SRRM2: variants seen among roughly 807,000 people sequenced by gnomAD.
The protein encoded by SRRM2 is serine/arginine repetitive matrix 2.
In SRRM2, 30 loss-of-function variants were observed where a neutral mutation model predicts 213.8. That is an observed-to-expected ratio of 0.14 (90% CI 0.10 to 0.19). The LOEUF is 0.19. Among genes scored for constraint, SRRM2 ranks in the 10% least tolerant of loss-of-function variants. The pLI, the probability that SRRM2 is intolerant of heterozygous loss-of-function variation, is 1.00. For synonymous variants in SRRM2, 2,025 were observed against 1,377.7 expected (o/e 1.47, Z -10.40); for missense variants, 4,904 against 3,647.0 (o/e 1.34, Z -8.88).
In SRRM2 at chr16:2,767,483, A is replaced by G. The variant is rs1018025430; in HGVS notation, c.6955A>G (p.Thr2319Ala). ...TCTCACAGGCTCTGGCACACCACCA[A>G]CTGCTGCAAACTATCCCTCCAGCTC... Reference protein sequence around the residue: ...LSLTGSGTPPTAANYPSSSRT... With the variant: ...LSLTGSGTPPAAANYPSSSRT... Residue 2319 changes from threonine to alanine, a missense_variant, in exon 11 of 15, where the codon ACT becomes GCT. Thr to Ala is a moderately conservative substitution (Grantham distance 58, BLOSUM62 0). Transcript: ENST00000301740. 3.0e-5 allele frequency: 48 copies of G among 1,613,976 alleles called. No individual in the cohort carries two copies. Among genetic ancestry groups the G allele is most frequent in the Admixed American group, 2.7e-4 (16 of 60,010 alleles).
At position 2,764,528 on chromosome 16, in the gene SRRM2, A is replaced by G. The variant is rs2068472966; in HGVS notation, c.4000A>G (p.Arg1334Gly). 1 of 1,614,216 alleles carries G rather than the reference A, an allele frequency of 6.2e-7. No homozygotes were observed. Among genetic ancestry groups the G allele is most frequent in the Non-Finnish European group, 8.5e-7 (1 of 1,180,030 alleles). The change falls in exon 11 of 15, where the codon AGA becomes GGA. Residue 1334 changes from arginine (R) to glycine (G), a missense_variant. Arg to Gly is a moderately radical substitution (Grantham distance 125). Coordinates refer to ENST00000301740, the MANE Select transcript of SRRM2 (RefSeq NM_016333.4). Reference protein sequence around the residue: ...ENSFGSPLEFRNSGPLGTEMN... With the variant: ...ENSFGSPLEFGNSGPLGTEMN... ...CAGCTTTGGATCACCTTTAGAATTTAGAAACTCAGGCCCACTTGGTACAGA... is the reference window on the plus strand; with the variant it reads ...CAGCTTTGGATCACCTTTAGAATTTGGAAACTCAGGCCCACTTGGTACAGA...
chr16:2,769,738 C>T, intron 12 of SRRM2: 2 of 470,206 alleles, frequency 4.3e-6, no homozygotes, highest in Non-Finnish European at 4.2e-6. Flanking sequence ...TCCTTCGGGA[C>T]GCCCTGTGGC....
chr16:2,758,785 T>C, intron 5 of SRRM2, 200 bp from the exon 6 acceptor site: 1 of 713,316 alleles, frequency 1.4e-6, no homozygotes, highest in Non-Finnish European at 2.3e-6. Flanking sequence ...GAATTTTCTT[T>C]TTCATTTTGA....
intron 11 of SRRM2, 42 bp downstream of exon 11, chr16:2,768,303 ATTGGGGATGGG>A: frequency 9.3e-7 from 1 of 1,077,606 alleles, no homozygotes; most frequent in African/African-American, 1.7e-5. Context: ...TGGGGGAGGT[ATTGGGGATGGG>A]TTGGGGAGTG....
Position 2,765,512 on chromosome 16 carries a change from C to T in SRRM2, c.4984C>T (p.Pro1662Ser). ...SSSTESSPEH[P>S]PKSRTARRGS... is the part of the protein sequence containing the mutation. ...CAGTACCGAGTCCTCTCCTGAACAT[C>T]CGCCCAAATCCAGAACTGCTCGCAG... is the stretch of plus-strand genomic sequence containing the variant. The change falls in exon 11 of 15, where the codon CCG becomes TCG. Residue 1662 changes from proline to serine, a missense_variant. Pro to Ser is a moderately conservative substitution (Grantham distance 74). Transcript: ENST00000301740. 1 of 1,614,190 alleles carries T rather than the reference C, an allele frequency of 6.2e-7. No homozygotes were observed. Among genetic ancestry groups the T allele is most frequent in the Non-Finnish European group, 8.5e-7 (1 of 1,180,038 alleles).
At chr16:2,757,076 A>G (rs2068168835) in intron 2 of SRRM2, among the ~76,000 whole-genome samples, 1 of 152,096 alleles carries the variant, frequency 6.6e-6, no homozygotes, top group Non-Finnish European at 1.5e-5. Flanking sequence ...ATTTTGGAAA[A>G]GGAGCCCATT....
rs1237979524 is a variant in SRRM2 at position 2,763,385 on chromosome 16, G to A, written c.2857G>A (p.Val953Ile). The A allele has an allele frequency of 6.2e-7, 1 of 1,614,208 alleles. No individual in the cohort carries two copies. The highest frequency in any genetic ancestry group is 8.5e-7 in the Non-Finnish European group (1 of 1,180,034). Residue 953 changes from valine (V) to isoleucine (I), a missense_variant, in exon 11 of 15, where the codon GTA becomes ATA. By Grantham distance (29) the Val-to-Ile change is conservative. Coordinates refer to ENST00000301740, the MANE Select transcript of SRRM2 (RefSeq NM_016333.4). ...SRTTPRRSRSVSPCSNVESRL... is the reference protein window; with the variant it reads ...SRTTPRRSRSISPCSNVESRL... ...AACAACTCCACGGCGAAGCAGATCAGTATCTCCCTGCTCCAATGTGGAATC... is the reference window on the plus strand; with the variant it reads ...AACAACTCCACGGCGAAGCAGATCAATATCTCCCTGCTCCAATGTGGAATC...
chr16:2,770,672 G>A lies in SRRM2; in HGVS notation c.8204G>A (p.Arg2735Lys). The change falls in exon 14 of 15, where the codon AGG becomes AAG. Residue 2735 changes from arginine (R) to lysine (K), a missense_variant. Transcript: ENST00000301740. The part of the protein sequence containing the change: ...GDSRSPSHKR[R>K]RETPSPRPMR... ...AGCCGCTCCCCCAGCCACAAGCGCA[G>A]GAGGGAGACACCTAGCCCTCGGCCC... is the stretch of plus-strand genomic sequence containing the variant. The A allele has an allele frequency of 6.4e-7, 1 of 1,555,616 alleles. No homozygotes were observed. The highest frequency in any genetic ancestry group is 8.7e-7 in the Non-Finnish European group (1 of 1,148,866).
intron 4 of SRRM2, 28 bp downstream of exon 4, chr16:2,757,973 GCTT>G (rs772234444): frequency 1.3e-6 from 2 of 1,589,690 alleles, no homozygotes. Flanking sequence ...ACCACTGTCA[GCTT>G]CTTTTCTTGA....
chr16:2,753,961 T>C (rs776359170), intron 1 of SRRM2, among the ~76,000 whole-genome samples: 2 of 152,216 alleles, frequency 1.3e-5, no homozygotes, highest in Non-Finnish European at 2.9e-5. Context: ...AATTCAAATA[T>C]ATCTTTCTAC....
In SRRM2 at chr16:2,763,792, C is replaced by T. The variant is rs558255802; in HGVS notation, c.3264C>T (p.Ser1088=). ...QSHSESPSLQ[S]KSQTSPKGGR... is the part of the protein sequence containing the mutation. ...ATTCAGAATCACCATCTCTGCAGAG[C>T]AAATCTCAAACATCACCTAAGGGAG... Residue 1088 remains serine (S), a synonymous_variant, in exon 11 of 15, where the codon AGC becomes AGT. Transcript: ENST00000301740. 2 of 1,614,060 alleles carry T rather than the reference C, an allele frequency of 1.2e-6. No individual in the cohort carries two copies. Among genetic ancestry groups the T allele is most frequent in the African/African-American group, 1.3e-5 (1 of 74,902 alleles).
At chr16:2,770,307 T>C (rs2068696066) in intron 12 of SRRM2, 45 bp from the exon 13 acceptor site, 1 of 1,522,570 alleles carries the variant, frequency 6.6e-7, no homozygotes, top group Non-Finnish European at 8.9e-7. Context: ...CTGGCCCGTG[T>C]GCTTGAAAGG....
chr16:2,763,863 C>G lies in SRRM2; in HGVS notation c.3335C>G (p.Ser1112Cys). Residue 1112 changes from serine to cysteine, a missense_variant, in exon 11 of 15, where the codon TCT becomes TGT. By Grantham distance (112) the Ser-to-Cys change is moderately radical (BLOSUM62 -1). Transcript: ENST00000301740. The part of the protein sequence containing the change: ...SSPVTELASR[S>C]PIRQDRGEFS... ...CCAGTCACTGAGCTGGCATCCAGAT[C>G]TCCAATAAGACAAGATAGAGGTGAG... is the stretch of plus-strand genomic sequence containing the variant. 1 of 1,614,180 alleles carries G rather than the reference C, an allele frequency of 6.2e-7. No individual in the cohort carries two copies. Among genetic ancestry groups the G allele is most frequent in the South Asian group, 1.1e-5 (1 of 91,090 alleles).
intron 1 of SRRM2, among the ~76,000 whole-genome samples, 166 bp downstream of exon 1, chr16:2,753,012 C>T (rs1197937360): frequency 2.0e-5 from 3 of 149,848 alleles, no homozygotes; most frequent in East Asian, 3.9e-4. Context: ...CCCCTTCCCG[C>T]CGTTCCTGTC....
At position 2,769,164 on chromosome 16, in the gene SRRM2, C is replaced by T. The variant is rs768230696; in HGVS notation, c.7901C>T (p.Ser2634Phe). ...SSSSSSSSSS[S>F]SSSSSSSSSS... ...TCTTCTTCCTCCTCCTCTTCCTCTT[C>T]TTCTTCTTCCTCCTCATCTTCCTCC... The change falls in exon 12 of 15, where the codon TCT becomes TTT. Residue 2634 changes from serine to phenylalanine, a missense_variant. Coordinates refer to ENST00000301740, the MANE Select transcript of SRRM2 (RefSeq NM_016333.4). 18 of 1,612,408 alleles carry T rather than the reference C, an allele frequency of 1.1e-5. No individual in the cohort carries two copies. In the East Asian group the frequency reaches 1.8e-4, roughly 16 times the overall value.
In SRRM2 at chr16:2,765,245, C is replaced by G; in HGVS notation, c.4717C>G (p.Leu1573Val). The G allele has an allele frequency of 6.2e-7, 1 of 1,614,090 alleles. No individual in the cohort carries two copies. Among genetic ancestry groups the G allele is most frequent in the Non-Finnish European group, 8.5e-7 (1 of 1,179,956 alleles). The change falls in exon 11 of 15, where the codon CTT becomes GTT. Residue 1573 changes from leucine to valine, a missense_variant. Leu to Val is a conservative substitution (Grantham distance 32, BLOSUM62 1). Transcript: ENST00000301740. ...PDSKAKTRTP[L>V]RQRSRSGSSP... ...TTCTAAAGCCAAGACAAGAACCCCA[C>G]TTCGGCAGAGGAGTCGGTCTGGATC...
intron 1 of SRRM2, 102 bp from the exon 2 acceptor site, chr16:2,756,232 A>C (rs562583417): frequency 9.0e-7 from 1 of 1,107,040 alleles, no homozygotes; most frequent in Non-Finnish European, 1.2e-6. Flanking sequence ...GTGAAGATCA[A>C]TGTTGAATTA....
chr16:2,756,861 A>G (rs1040812143), intron 2 of SRRM2, among the ~76,000 whole-genome samples: 1 of 151,916 alleles, frequency 6.6e-6, no homozygotes, highest in Non-Finnish European at 1.5e-5. Context: ...GGGAGGGGCC[A>G]TTGAGGAACA....
Position 2,768,253 on chromosome 16 carries a change from A to T in SRRM2, c.7725A>T (p.Ala2575=). 1 of 1,550,698 alleles carries T rather than the reference A, an allele frequency of 6.4e-7. No individual in the cohort carries two copies. Among genetic ancestry groups the T allele is most frequent in the East Asian group, 2.3e-5 (1 of 44,346 alleles). ...GCCTTCCTGTGCAACCTGAGGTGGC[A>T]CTGAAGAGGTGAGGGAGCTTGACTT... The part of the protein sequence containing the change: ...GSSLPVQPEV[A]LKRVPSPTPA... Residue 2575 remains alanine, a synonymous_variant, in exon 11 of 15, where the codon GCA becomes GCT. Coordinates refer to ENST00000301740, the MANE Select transcript of SRRM2 (RefSeq NM_016333.4).
Sources: gnomAD v4.1 joint callset for allele counts (sites outside exome capture counted in the v4.1 genomes callset) on GRCh38, gnomAD v4.1.1 for gene constraint, MANE v1.5 for transcripts, NCBI Gene and HGNC (gene_info 2026-07-23, HGNC 2026-07-21) for gene names.